RIN3: variants seen among roughly 807,000 people sequenced by gnomAD.
RIN3 encodes the protein Ras and Rab interactor 3, also known as RAB5 interacting protein 3.
RIN3 carries 54 observed loss-of-function variants against 76.3 expected under a neutral mutation model. The ratio of observed to expected loss-of-function variants is 0.71; its 90% CI spans 0.57 to 0.89. The LOEUF (loss-of-function observed/expected upper bound fraction) is 0.89. RIN3 is among the 40% of genes least tolerant of loss of function. The probability of loss-of-function intolerance (pLI) is 0.00; values close to 1 mark genes in which losing one functional copy is unlikely to be tolerated. For synonymous variants in RIN3, 576 were observed against 564.0 expected, an observed-to-expected ratio of 1.02 and a Z score of -0.30; for missense variants, 1,256 against 1,322.1, an observed-to-expected ratio of 0.95 and a Z score of 0.78.
rs1888832076 is a variant in RIN3 at position 92,685,789 on chromosome 14, G to T, written c.2631+639G>T. 6.6e-6 allele frequency: 1 copy of T among 152,032 alleles called. No individual in the cohort carries two copies. Among genetic ancestry groups the T allele is most frequent in the Admixed American group, 6.6e-5 (1 of 15,208 alleles). The allele number at this position is 152,032 out of a possible 1,614,324, so 9.4% of individuals were successfully genotyped here. A position where few individuals can be genotyped will look rare whatever the true frequency, so the allele number is the denominator to read the frequency against. On this transcript the variant is annotated intron_variant, in intron 9 of 9. Coordinates refer to ENST00000216487, the MANE Select transcript of RIN3 (RefSeq NM_024832.5). The surrounding 1 kb of genome is among the most constrained non-coding windows in gnomAD (Gnocchi z 4.7). ...GTCAATCTCCCCTTCTTCACTGGCT[G>T]TCACTGCCCATCCTTTAAGACGACT... is the stretch of plus-strand genomic sequence containing the variant.
At chr14:92,582,249 G>A (rs1434100294) in intron 3 of RIN3, among the ~76,000 whole-genome samples, 1 of 152,082 alleles carries the variant, frequency 6.6e-6, no homozygotes, top group Non-Finnish European at 1.5e-5. Context: ...TCCTCCCAGG[G>A]CCGTGTGGCC....
At chr14:92,592,866 G>C (rs965297822) in intron 3 of RIN3, among the ~76,000 whole-genome samples, 1 of 151,802 alleles carries the variant, frequency 6.6e-6, no homozygotes, top group African/African-American at 2.4e-5. Flanking sequence ...TAGAGATGGG[G>C]TTTCGCCATG....
At chr14:92,644,528 G>T (rs995622166) in intron 5 of RIN3, 2 of 152,146 alleles carry the variant, frequency 1.3e-5, no homozygotes, top group Admixed American at 1.3e-4. Context: ...GAGAAGGGAG[G>T]TTTCCATTTG....
At chr14:92,523,994 A>G (rs1896662192) in intron 1 of RIN3, among the ~76,000 whole-genome samples, 2 of 152,148 alleles carry the variant, frequency 1.3e-5, no homozygotes, top group Non-Finnish European at 2.9e-5. Context: ...GGAATTCAAG[A>G]CCAGACTGGG....
intron 1 of RIN3, among the ~76,000 whole-genome samples, chr14:92,552,267 T>A (rs1305947743): frequency 1.3e-5 from 2 of 152,216 alleles, no homozygotes; most frequent in Non-Finnish European, 2.9e-5. Context: ...TCAGTCACCC[T>A]GAGAGCAGCA....
At chr14:92,584,510 C>A (rs1884694764) in intron 3 of RIN3, among the ~76,000 whole-genome samples, 1 of 152,192 alleles carries the variant, frequency 6.6e-6, no homozygotes, top group Non-Finnish European at 1.5e-5. Flanking sequence ...TGTGAACAAC[C>A]ATCTCCTGCA....
rs1219203924 is a variant in RIN3 at position 92,652,834 on chromosome 14, C to T, written c.1785C>T (p.Leu595=). The change falls in exon 6 of 10, where the codon CTC becomes CTT. Residue 595 remains leucine, a synonymous_variant. Coordinates refer to ENST00000216487, the MANE Select transcript of RIN3 (RefSeq NM_024832.5). The surrounding 1 kb of genome is among the most constrained non-coding windows in gnomAD (Gnocchi z 6.4). The part of the protein sequence containing the change: ...ASFSSMFHAF[L]SNNRKLYKKV... The stretch of plus-strand genomic sequence containing the variant: ...TCAGCAGCATGTTCCACGCTTTCCT[C>T]TCCAACAACCGCAAGCTGTACAAGA... 1 of 1,613,994 alleles carries T rather than the reference C, an allele frequency of 6.2e-7. No homozygotes were observed. Among genetic ancestry groups the T allele is most frequent in the Non-Finnish European group, 8.5e-7 (1 of 1,180,048 alleles).
intron 4 of RIN3, among the ~76,000 whole-genome samples, chr14:92,632,833 T>G (rs904428012): frequency 6.6e-6 from 1 of 152,022 alleles, no homozygotes; most frequent in Non-Finnish European, 1.5e-5. Context: ...CGCCTGGCAG[T>G]GGGAAAGCTA....
chr14:92,524,724 A>C lies in RIN3; in HGVS notation c.44+10748A>C, dbSNP rs567302633. 3.9e-5 allele frequency among the ~76,000 whole-genome samples: 6 copies of C among 152,236 alleles called. No homozygotes were observed. The South Asian group carries it at 1.2e-3, about 32-fold the overall frequency. ...CTTCGTGCCACTCTGGAAACTCTTC[A>C]TCCAGCCCCTGCTTGCAGATGAATT... On this transcript the variant is annotated intron_variant, in intron 1 of 9. Coordinates refer to ENST00000216487, the MANE Select transcript of RIN3 (RefSeq NM_024832.5).
In RIN3 at chr14:92,623,083, G is replaced by A. The variant is rs577231607; in HGVS notation, c.440+7604G>A. Among the ~76,000 whole-genome samples, 58 of 152,214 alleles carry A rather than the reference G, an allele frequency of 3.8e-4. No individual in the cohort carries two copies. The highest frequency in any genetic ancestry group is 7.3e-4 in the Non-Finnish European group (50 of 68,042). On this transcript the variant is annotated intron_variant, in intron 4 of 9. Coordinates refer to ENST00000216487, the MANE Select transcript of RIN3 (RefSeq NM_024832.5). The surrounding 1 kb of genome is among the most constrained non-coding windows in gnomAD (Gnocchi z 4.9). The stretch of plus-strand genomic sequence containing the variant: ...GAATAAGCACAGCTATTGCGATTGC[G>A]AGAGAGGTAACAATAGAGGCCATGA...
At chr14:92,593,769 AAG>A (rs1885064738) in intron 3 of RIN3, among the ~76,000 whole-genome samples, 1 of 152,212 alleles carries the variant, frequency 6.6e-6, no homozygotes, top group Non-Finnish European at 1.5e-5. Flanking sequence ...GTAAGGGATA[AAG>A]AGAGGCATTA....
chr14:92,620,533 G>A (rs188505661), intron 4 of RIN3, among the ~76,000 whole-genome samples: 56 of 152,300 alleles, frequency 3.7e-4, no homozygotes, highest in African/African-American at 1.3e-3. Flanking sequence ...AATGAATGAT[G>A]ATTTGCTAGA....
At chr14:92,661,485 G>A (rs573142281) in intron 7 of RIN3, among the ~76,000 whole-genome samples, 32 of 152,130 alleles carry the variant, frequency 2.1e-4, no homozygotes, top group African/African-American at 7.5e-4. Flanking sequence ...CAGCACTTTG[G>A]GAGGCTGAGG....
rs973092247 is a variant in RIN3, at chr14:92,520,692, G to A, written c.44+6716G>A. 1.6e-4 allele frequency among the ~76,000 whole-genome samples: 24 copies of A among 152,176 alleles called. 1 individual carries two copies. ...TTCCCAGAGCTAAATTGTTCTGTGA[G>A]TCAGTAAGTGTGCTTCTTCACCCAT... is the stretch of plus-strand genomic sequence containing the variant. On this transcript the variant is annotated intron_variant, in intron 1 of 9. Coordinates refer to ENST00000216487, the MANE Select transcript of RIN3 (RefSeq NM_024832.5).
Position 92,641,344 on chromosome 14 carries a change from A to G in RIN3, c.532+15A>G. On this transcript the variant is annotated intron_variant, in intron 5 of 9. Transcript: ENST00000216487. ...CCTGGGTCTGGGTGAGTCTTCTCCG[A>G]GGGGTTAGGGGAGCTGGTGGGGCGT... The G allele has an allele frequency of 6.3e-7, 1 of 1,596,144 alleles. No homozygotes were observed. Among genetic ancestry groups the G allele is most frequent in the Non-Finnish European group, 8.6e-7 (1 of 1,163,820 alleles).
intron 3 of RIN3, among the ~76,000 whole-genome samples, chr14:92,613,407 T>A (rs1885823056): frequency 6.6e-6 from 1 of 152,196 alleles, no homozygotes; most frequent in African/African-American, 2.4e-5. Context: ...TAGTTAATAT[T>A]TTATTTAAAT....
intron 1 of RIN3, among the ~76,000 whole-genome samples, chr14:92,539,464 G>T (rs1897083378): frequency 6.6e-6 from 1 of 152,212 alleles, no homozygotes; most frequent in Non-Finnish European, 1.5e-5. Flanking sequence ...CACTTGTGAA[G>T]CCACGGACCT....
intron 1 of RIN3, among the ~76,000 whole-genome samples, chr14:92,532,511 C>T (rs1008460932): frequency 6.6e-6 from 1 of 152,148 alleles, no homozygotes; most frequent in Non-Finnish European, 1.5e-5. Context: ...GGCAGGGCAC[C>T]CAGGCTCCTT....
intron 3 of RIN3, among the ~76,000 whole-genome samples, chr14:92,590,236 T>C (rs1400727660): frequency 2.0e-5 from 3 of 152,228 alleles, no homozygotes; most frequent in African/African-American, 7.2e-5. Context: ...TTTGGAAATA[T>C]GCCAGAGCAG....
Sources: gnomAD v4.1 joint callset for allele counts (sites outside exome capture counted in the v4.1 genomes callset) on GRCh38, gnomAD v4.1.1 for gene constraint, Gnocchi (gnomAD v3.1) non-coding constraint, MANE v1.5 for transcripts, NCBI Gene and HGNC (gene_info 2026-07-23, HGNC 2026-07-21) for gene names.